POU3F3: variants seen among roughly 807,000 people sequenced by gnomAD.
POU3F3 encodes POU class 3 homeobox 3.
A neutral mutation model predicts 8.6 loss-of-function variants in POU3F3; 1 was observed. That is an observed-to-expected ratio of 0.12 (90% CI 0.04 to 0.55). POU3F3 has a LOEUF of 0.55. Ranked by LOEUF, POU3F3 falls within the 20% of genes least tolerant of loss-of-function variation. The pLI is 0.91. For synonymous variants in POU3F3, 418 were observed against 327.4 expected (o/e 1.28, Z -2.99); for missense variants, 577 against 690.7 (o/e 0.84, Z 1.84).
At chr2:104,895,933 T>A in the POU3F3 span, among the ~76,000 whole-genome samples, 1 of 152,078 alleles carries the variant, frequency 6.6e-6, no homozygotes, top group Non-Finnish European at 1.5e-5. Flanking sequence ...CCAGGAAGCT[T>A]CTAGAGTCAC....
At chr2:104,879,021 C>T in the POU3F3 span, among the ~76,000 whole-genome samples, 2 of 151,746 alleles carry the variant, frequency 1.3e-5, no homozygotes, top group Admixed American at 1.3e-4. Flanking sequence ...AAAACATATA[C>T]AGCACACACA....
At chr2:104,905,239 C>T in the POU3F3 span, among the ~76,000 whole-genome samples, 1 of 152,012 alleles carries the variant, frequency 6.6e-6, no homozygotes, top group Non-Finnish European at 1.5e-5. Flanking sequence ...ACCTATTTTC[C>T]TTCTTTTAAA....
At chr2:104,863,163 ATT>A (rs1676686113), downstream of POU3F3, among the ~76,000 whole-genome samples, 5 of 15,716 alleles carry the variant, frequency 3.2e-4, no homozygotes, top group Non-Finnish European at 8.7e-4. Context: ...AATAACAATT[ATT>A]ATTATTATTA....
chr2:104,887,116 G>A, the POU3F3 span, among the ~76,000 whole-genome samples: 1 of 152,100 alleles, frequency 6.6e-6, no homozygotes, highest in African/African-American at 2.4e-5. Context: ...CATGGCATTT[G>A]TAAACAGTCA....
the POU3F3 span, among the ~76,000 whole-genome samples, chr2:104,891,345 AT>A: frequency 2.6e-5 from 4 of 151,938 alleles, no homozygotes; most frequent in African/African-American, 9.7e-5. Flanking sequence ...ATATGTTAAT[AT>A]TTTAGTATAT....
At position 104,855,812 on chromosome 2, in the gene POU3F3, T is replaced by C; in HGVS notation, c.302T>C (p.Leu101Pro). The C allele has an allele frequency of 3.5e-6, 4 of 1,151,616 alleles. No individual in the cohort carries two copies. Among genetic ancestry groups the C allele is most frequent in the East Asian group, 6.6e-5 (1 of 15,042 alleles). The allele number at this position is 1,151,616 out of a possible 1,614,324, so 71.3% of individuals were successfully genotyped here. The change falls in exon 1 of 1, where the codon CTG (leucine) becomes CCG (proline). Residue 101 changes from leucine (L) to proline (P), a missense_variant. Coordinates refer to ENST00000361360, the MANE Select transcript of POU3F3 (RefSeq NM_006236.3). ...CACGCGCACCAGTGGGTCACAGCCC[T>C]GCCCCACGCCGCCGCCGCCGCCGCC... is the stretch of plus-strand genomic sequence containing the variant. ...LSHAHQWVTA[L>P]PHAAAAAAAA...
chr2:104,880,192 G>A, the POU3F3 span, among the ~76,000 whole-genome samples: 20 of 151,106 alleles, frequency 1.3e-4, no homozygotes, highest in Non-Finnish European at 2.7e-4. Context: ...ACCCGCCTCC[G>A]CCCCCCACCA....
At chr2:104,877,049 T>TACACACACACAC in the POU3F3 span, among the ~76,000 whole-genome samples, 49 of 150,646 alleles carry the variant, frequency 3.3e-4, no homozygotes, top group South Asian at 1.0e-3. Flanking sequence ...GACTGTGGTA[T>TACACACACACAC]ACACACACAC....
At chr2:104,883,995 GA>G in the POU3F3 span, among the ~76,000 whole-genome samples, 2 of 152,168 alleles carry the variant, frequency 1.3e-5, no homozygotes, top group Non-Finnish European at 2.9e-5. Flanking sequence ...TTCCCTAGGT[GA>G]GTTCCCAGTG....
the POU3F3 span, among the ~76,000 whole-genome samples, chr2:104,923,836 A>T: frequency 1.3e-5 from 2 of 152,200 alleles, no homozygotes; most frequent in Non-Finnish European, 2.9e-5. Flanking sequence ...GGACGAGAAG[A>T]TATTCTATAC....
the POU3F3 span, among the ~76,000 whole-genome samples, chr2:104,920,757 G>A: frequency 6.6e-6 from 1 of 152,080 alleles, no homozygotes; most frequent in African/African-American, 2.4e-5. Flanking sequence ...ACATGTAGAA[G>A]GGCTCTAAAA....
chr2:104,856,168 C>A lies in POU3F3; in HGVS notation c.658C>A (p.Leu220Met). 1 of 1,261,324 alleles carries A rather than the reference C, an allele frequency of 7.9e-7. No homozygotes were observed. 78.1% of individuals were successfully genotyped at this position (1,261,324 alleles called of 1,614,324 possible). ...AGGQQPPPQS[L>M]LYSQPGGFTV... ...GGGCCAGCAGCCGCCGCCGCAGAGT[C>A]TGCTCTACTCGCAGCCCGGAGGCTT... The change falls in exon 1 of 1, where the codon CTG becomes ATG. Residue 220 changes from leucine (L) to methionine (M), a missense_variant. Coordinates refer to ENST00000361360, the MANE Select transcript of POU3F3 (RefSeq NM_006236.3).
At chr2:104,885,719 T>A in the POU3F3 span, among the ~76,000 whole-genome samples, 5 of 152,154 alleles carry the variant, frequency 3.3e-5, no homozygotes, top group Non-Finnish European at 7.3e-5. Flanking sequence ...TTGTTTAGCA[T>A]ATAATCAAGT....
At chr2:104,924,849 G>T in the POU3F3 span, among the ~76,000 whole-genome samples, 1 of 152,130 alleles carries the variant, frequency 6.6e-6, no homozygotes, top group Non-Finnish European at 1.5e-5. Context: ...AATTTTGCCA[G>T]TTTGTAAAAG....
chr2:104,913,994 C>A, the POU3F3 span, among the ~76,000 whole-genome samples: 1 of 152,200 alleles, frequency 6.6e-6, no homozygotes, highest in Non-Finnish European at 1.5e-5. Flanking sequence ...GAAAAGGCAG[C>A]TAGCTTTTCT....
chr2:104,918,880 C>CTTT, the POU3F3 span, among the ~76,000 whole-genome samples: 4 of 141,292 alleles, frequency 2.8e-5, no homozygotes, highest in South Asian at 2.3e-4. Flanking sequence ...CATGAAAACA[C>CTTT]TTTTTTTTTT....
In POU3F3 at chr2:104,855,556, C is replaced by G; in HGVS notation, c.46C>G (p.Leu16Val). Residue 16 changes from leucine to valine, a missense_variant, in exon 1 of 1, where the codon CTC becomes GTC. Coordinates refer to ENST00000361360, the MANE Select transcript of POU3F3 (RefSeq NM_006236.3). ...SNPYLPGNSLLAAGSIVHSDA... is the reference protein window; with the variant it reads ...SNPYLPGNSLVAAGSIVHSDA... ...CCCCTACCTGCCGGGGAACAGCCTG[C>G]TCGCGGCCGGCTCTATTGTGCACTC... The G allele has an allele frequency of 9.6e-7, 1 of 1,041,144 alleles. No individual in the cohort carries two copies. The allele number at this position is 1,041,144 out of a possible 1,614,324, so 64.5% of individuals were successfully genotyped here.
chr2:104,878,243 A>T, the POU3F3 span, among the ~76,000 whole-genome samples: 1 of 152,210 alleles, frequency 6.6e-6, no homozygotes, highest in African/African-American at 2.4e-5. Context: ...GGAAACAAAA[A>T]TCATGCAATT....
Position 104,856,096 on chromosome 2 carries a change from G to A in POU3F3, c.586G>A (p.Ala196Thr). ...GWGAAAAAAA[A>T]AAAAAAAAHL... ...GGGGGCGGCCGCCGCTGCCGCAGCC[G>A]CAGCCGCCGCCGCCGCCGCCGCCGC... Residue 196 changes from alanine (A) to threonine (T), a missense_variant, in exon 1 of 1, where the codon GCA (alanine) becomes ACA (threonine). By Grantham distance (58) the Ala-to-Thr change is moderately conservative (BLOSUM62 0). Around this residue, in one of 7 missense-constraint regions of POU3F3, gnomAD observed 484 missense variants for 422.6 expected, o/e 1.15. Coordinates refer to ENST00000361360, the MANE Select transcript of POU3F3 (RefSeq NM_006236.3). 1.9e-6 allele frequency: 2 copies of A among 1,046,228 alleles called. No homozygotes were observed. Among genetic ancestry groups the A allele is most frequent in the Non-Finnish European group, 2.3e-6 (2 of 876,620 alleles). The allele number at this position is 1,046,228 out of a possible 1,614,324, so 64.8% of individuals were successfully genotyped here. A position where few individuals can be genotyped will look rare whatever the true frequency, so the allele number is the denominator to read the frequency against.
Sources: gnomAD v4.1 joint callset for allele counts (sites outside exome capture counted in the v4.1 genomes callset) on GRCh38, gnomAD v4.1.1 for gene constraint, gnomAD v4.1.1 regional missense constraint, MANE v1.5 for transcripts, NCBI Gene and HGNC (gene_info 2026-07-23, HGNC 2026-07-21) for gene names.